The following ADCY5 variants were observed in gnomAD, a reference collection of about 807,000 sequenced individuals.
ADCY5 encodes the protein adenylate cyclase 5, also known as adenylate cyclase type 5.
A neutral mutation model predicts 119.7 loss-of-function variants in ADCY5; 30 were observed. The observed-to-expected ratio is 0.25, with a 90% confidence interval of 0.19 to 0.34. The LOEUF (loss-of-function observed/expected upper bound fraction) is 0.34. Ranked by LOEUF, ADCY5 falls within the 10% of genes least tolerant of loss-of-function variation. The probability of loss-of-function intolerance (pLI) is 1.00; values close to 1 mark genes in which losing one functional copy is unlikely to be tolerated. For missense variants in ADCY5, 1,324 were observed against 1,775.2 expected (o/e 0.75, Z 4.57); for synonymous variants, 753 against 762.2 (o/e 0.99, Z 0.20).
intron 1 of ADCY5, among the ~76,000 whole-genome samples, chr3:123,414,376 C>T (rs767912295): frequency 1.3e-5 from 2 of 152,174 alleles, no homozygotes; most frequent in Non-Finnish European, 2.9e-5. Flanking sequence ...TAATAGTTTC[C>T]ACTTCGCTGA....
At chr3:123,431,261 A>G (rs193136656) in intron 1 of ADCY5, among the ~76,000 whole-genome samples, 3 of 152,338 alleles carry the variant, frequency 2.0e-5, no homozygotes, top group Non-Finnish European at 4.4e-5. Flanking sequence ...TGCTGAGGGT[A>G]TTAAGGCCAC....
chr3:123,372,749 C>A (rs1350884929), intron 1 of ADCY5, among the ~76,000 whole-genome samples: 1 of 152,192 alleles, frequency 6.6e-6, no homozygotes, highest in Non-Finnish European at 1.5e-5. Context: ...TCAAAGTCTG[C>A]ACCAAGGAAG....
intron 2 of ADCY5, among the ~76,000 whole-genome samples, chr3:123,349,233 T>C (rs1274411369): frequency 6.6e-6 from 1 of 152,212 alleles, no homozygotes; most frequent in Non-Finnish European, 1.5e-5. Flanking sequence ...TGCCTTTGCC[T>C]GGGACAGCCC....
At chr3:123,374,016 T>A (rs1346813037) in intron 1 of ADCY5, among the ~76,000 whole-genome samples, 1 of 152,124 alleles carries the variant, frequency 6.6e-6, no homozygotes, top group Non-Finnish European at 1.5e-5. Context: ...CCATGGGACA[T>A]AAGCACTCAT....
At chr3:123,408,591 G>T (rs1347133142) in intron 1 of ADCY5, among the ~76,000 whole-genome samples, 5 of 151,810 alleles carry the variant, frequency 3.3e-5, no homozygotes, top group African/African-American at 1.2e-4. Context: ...AGGAGGCGCA[G>T]GTTGCAGTGA....
intron 3 of ADCY5, among the ~76,000 whole-genome samples, chr3:123,344,148 C>G (rs1282640394): frequency 1.3e-5 from 2 of 152,332 alleles, no homozygotes; most frequent in African/African-American, 2.4e-5. Flanking sequence ...TCCCCAAACC[C>G]CCATCAGTCT....
At chr3:123,340,382 C>T (rs1019217416) in intron 3 of ADCY5, among the ~76,000 whole-genome samples, 1 of 152,200 alleles carries the variant, frequency 6.6e-6, no homozygotes, top group African/African-American at 2.4e-5. Flanking sequence ...TCTAACCCTT[C>T]CATCTTCATG....
At position 123,350,276 on chromosome 3, in the gene ADCY5, G is replaced by A. The variant is rs148955449; in HGVS notation, c.1284+2156C>T. Among the ~76,000 whole-genome samples the A allele has an allele frequency of 9.9e-3, 1,505 of 152,248 alleles. 31 individuals carry two copies. Among genetic ancestry groups the A allele is most frequent in the African/African-American group, 0.034 (1,410 of 41,544 alleles). ...GTGAGGAGAGGCCACCTTGGGGACC[G>A]GAGCTGCGTCTTGTCCAGTGCCACA... is the stretch of plus-strand genomic sequence containing the variant. On this transcript the variant is annotated intron_variant, in intron 2 of 20. Transcript: ENST00000462833.
At chr3:123,385,034 G>A (rs370195151) in intron 1 of ADCY5, among the ~76,000 whole-genome samples, 3 of 152,094 alleles carry the variant, frequency 2.0e-5, no homozygotes, top group East Asian at 1.9e-4. Flanking sequence ...GCAAGTTACC[G>A]CAAACAGCAG....
Position 123,428,752 on chromosome 3 carries a change from C to CG in ADCY5, c.1134+18659dup, listed in dbSNP as rs111415531. Among the ~76,000 whole-genome samples, 1,487 of 152,250 alleles carry CG rather than the reference C, an allele frequency of 9.8e-3. 29 individuals carry two copies. The highest frequency in any genetic ancestry group is 0.034 in the African/African-American group (1,420 of 41,522). On this transcript the variant is annotated intron_variant, in intron 1 of 20. Transcript: ENST00000462833. ...CCCCAGGGCACATGCCTCTAATTTG[C>CG]GGGGGGTGCCTATTTGGGATACAGA...
Position 123,283,763 on chromosome 3 carries a change from C to CAAAA in ADCY5, c.*841_*844dup, listed in dbSNP as rs1938534284. 1 of 151,684 alleles carries CAAAA rather than the reference C, an allele frequency of 6.6e-6. No individual in the cohort carries two copies. Among genetic ancestry groups the CAAAA allele is most frequent in the African/African-American group, 2.4e-5 (1 of 41,004 alleles). 9.4% of individuals were successfully genotyped at this position (151,684 alleles called of 1,614,324 possible). The stretch of plus-strand genomic sequence containing the variant: ...GCTGTTTTCTAATATAGAGAATTTA[C>CAAAA]AAAATATAGAATTTGGCATATCTAT... On this transcript the variant is annotated 3_prime_UTR_variant, in exon 21 of 21. Transcript: ENST00000462833.
At chr3:123,370,383 T>G (rs1038963395) in intron 1 of ADCY5, among the ~76,000 whole-genome samples, 7 of 152,244 alleles carry the variant, frequency 4.6e-5, no homozygotes, top group African/African-American at 1.4e-4. Context: ...ACTGGGCACA[T>G]GGCTGCCCAG....
intron 1 of ADCY5, among the ~76,000 whole-genome samples, chr3:123,372,359 C>A (rs1943671462): frequency 6.6e-6 from 1 of 152,188 alleles, no homozygotes; most frequent in South Asian, 2.1e-4. Context: ...GCAGGAAGAT[C>A]CAGGGAAACA....
At chr3:123,392,195 C>A (rs1269606135) in intron 1 of ADCY5, among the ~76,000 whole-genome samples, 1 of 152,198 alleles carries the variant, frequency 6.6e-6, no homozygotes, top group Non-Finnish European at 1.5e-5. Flanking sequence ...TAAATGATTT[C>A]TAGAAAGAAA....
chr3:123,413,191 A>T (rs547628773), intron 1 of ADCY5, among the ~76,000 whole-genome samples: 220 of 152,284 alleles, frequency 1.4e-3, no homozygotes, highest in African/African-American at 4.7e-3. Flanking sequence ...GGGCCAAGCC[A>T]AGGACCAGGC....
intron 1 of ADCY5, among the ~76,000 whole-genome samples, chr3:123,423,215 T>G (rs1267479942): frequency 2.0e-5 from 3 of 152,076 alleles, no homozygotes; most frequent in African/African-American, 7.2e-5. Context: ...TCCTTACTCA[T>G]GCCCACGCTG....
At chr3:123,430,088 T>C (rs1395386037) in intron 1 of ADCY5, among the ~76,000 whole-genome samples, 4 of 152,048 alleles carry the variant, frequency 2.6e-5, no homozygotes, top group Non-Finnish European at 4.4e-5. Context: ...GGCAAACACA[T>C]GGAGACCCTC....
intron 9 of ADCY5, among the ~76,000 whole-genome samples, chr3:123,320,340 G>A (rs917600167): frequency 6.6e-6 from 1 of 152,232 alleles, no homozygotes; most frequent in African/African-American, 2.4e-5. Flanking sequence ...TCTCAGGGTG[G>A]AGCCCAGTCC....
intron 1 of ADCY5, among the ~76,000 whole-genome samples, chr3:123,379,411 C>G (rs1943952845): frequency 6.6e-6 from 1 of 152,106 alleles, no homozygotes; most frequent in Non-Finnish European, 1.5e-5. Flanking sequence ...ATTAGCTCCC[C>G]TCGAGGAATG....
Sources: allele counts gnomAD v4.1 joint callset (sites outside exome capture counted in the v4.1 genomes callset), GRCh38; gene constraint gnomAD v4.1.1; transcripts MANE v1.5; gene names NCBI Gene and HGNC (gene_info 2026-07-23, HGNC 2026-07-21).